Variants in SDK2 observed in about 807,000 individuals in gnomAD.
The protein encoded by SDK2 is protein sidekick-2.
SDK2 carries 105 observed loss-of-function variants against 253.9 expected under a neutral mutation model. The observed-to-expected ratio is 0.41, with a 90% CI of 0.35 to 0.49. The LOEUF (loss-of-function observed/expected upper bound fraction) is 0.49. Among genes scored for constraint, SDK2 ranks in the 20% least tolerant of loss-of-function variants. The pLI, the probability that SDK2 is intolerant of heterozygous loss-of-function variation, is 0.06. For synonymous variants in SDK2, 1,249 were observed against 1,234.9 expected (o/e 1.01, Z -0.24); for missense variants, 2,608 against 3,003.0 (o/e 0.87, Z 3.07).
rs751417057 is a variant in SDK2 at position 73,426,208 on chromosome 17, CTTTTTTT to C, written c.1584-2123_1584-2117del. On this transcript the variant is annotated intron_variant, in intron 12 of 44. Coordinates refer to ENST00000392650, the MANE Select transcript of SDK2 (RefSeq NM_001144952.2). ...TACAGGCCTGCACCACCATGCTGGG[CTTTTTTT>C]TTTTTTTTTTTTTTTTTTTTTCTGT... Among the ~76,000 whole-genome samples the C allele has an allele frequency of 5.4e-3, 157 of 29,166 alleles. 1 individual carries two copies. The highest frequency in any genetic ancestry group is 0.013 in the African/African-American group (123 of 9,478). The allele number at this position is 29,166 out of a possible 152,430, so 19.1% of individuals were successfully genotyped here.
chr17:73,378,642 A>T (rs1199188566), intron 36 of SDK2, among the ~76,000 whole-genome samples: 2 of 151,502 alleles, frequency 1.3e-5, no homozygotes, highest in African/African-American at 2.4e-5. Context: ...CTGGTCTCGA[A>T]CTCCTGACCT....
intron 36 of SDK2, among the ~76,000 whole-genome samples, chr17:73,372,152 C>G (rs1389096023): frequency 6.6e-6 from 1 of 152,168 alleles, no homozygotes; most frequent in African/African-American, 2.4e-5. Context: ...ACAAACCAGG[C>G]ACTCCGGCAG....
intron 1 of SDK2, among the ~76,000 whole-genome samples, chr17:73,637,351 CT>C: frequency 6.6e-6 from 1 of 152,238 alleles, no homozygotes; most frequent in Non-Finnish European, 1.5e-5. Flanking sequence ...AATGAATGGG[CT>C]ACAATCAGAA....
At chr17:73,394,148 T>C (rs893899786) in intron 26 of SDK2, 61 bp downstream of exon 26, 5 of 1,045,692 alleles carry the variant, frequency 4.8e-6, no homozygotes, top group African/African-American at 4.8e-5. Context: ...CAAGGCCCCT[T>C]GGATGGAGAG....
At position 73,401,979 on chromosome 17, in the gene SDK2, T is replaced by C; in HGVS notation, c.2647A>G (p.Ser883Gly). ...CFTTPGDGPR[S>G]TPQLVRTHED... ...TGGGTGCGCACCAGCTGCGGGGTGCTGCGTGGCCCGTCCCCGGGGGTGGTG... is the reference window on the plus strand; with the variant it reads ...TGGGTGCGCACCAGCTGCGGGGTGCCGCGTGGCCCGTCCCCGGGGGTGGTG... The change falls in exon 19 of 45, where the codon AGC (serine) becomes GGC (glycine). Residue 883 changes from serine to glycine, a missense_variant. This residue lies in a region of SDK2 where 1,505 missense variants were observed against 1,859.1 expected (regional missense o/e 0.81). Coordinates refer to ENST00000392650, the MANE Select transcript of SDK2 (RefSeq NM_001144952.2). 6.2e-7 allele frequency: 1 copy of C among 1,612,936 alleles called. No homozygotes were observed. Among genetic ancestry groups the C allele is most frequent in the Non-Finnish European group, 8.5e-7 (1 of 1,179,568 alleles).
rs1297213101 is a variant in SDK2, at chr17:73,629,589, A to G, written c.64+14436T>C. Among the ~76,000 whole-genome samples the G allele has an allele frequency of 2.0e-5, 3 of 152,098 alleles. No individual in the cohort carries two copies. Among genetic ancestry groups the G allele is most frequent in the Non-Finnish European group, 2.9e-5 (2 of 67,996 alleles). ...CCTAGGGAAGACGGGGGCCCCTCCC[A>G]TCCTACAAGACTCAGCTTCTATGTT... is the stretch of plus-strand genomic sequence containing the variant. On this transcript the variant is annotated intron_variant, in intron 1 of 44. Transcript: ENST00000392650. The surrounding 1 kb of genome is among the most constrained non-coding windows in gnomAD (Gnocchi z 5.0).
At position 73,358,172 on chromosome 17, in the gene SDK2, C is replaced by T. The variant is rs751302864; in HGVS notation, c.5500G>A (p.Val1834Met). Reference protein sequence around the residue: ...APGPPGVPIIVRYSSAIAIHW... With the variant: ...APGPPGVPIIMRYSSAIAIHW... ...ATGGCGATGGCAGAGCTGTACCGCA[C>T]GATGATGGGCACGCCAGGCGGTCCT... The change falls in exon 40 of 45, where the codon GTG becomes ATG. Residue 1834 changes from valine (V) to methionine (M), a missense_variant. Physicochemically the swap from Val to Met is conservative, Grantham distance 21. Around this residue, in one of 2 missense-constraint regions of SDK2, gnomAD observed 1,103 missense variants for 1,143.9 expected, o/e 0.96. Transcript: ENST00000392650. 90 of 1,609,168 alleles carry T rather than the reference C, an allele frequency of 5.6e-5. No individual in the cohort carries two copies. The South Asian group carries it at 6.8e-4, about 12-fold the overall frequency.
chr17:73,593,702 A>C (rs2045716025), intron 1 of SDK2, among the ~76,000 whole-genome samples: 1 of 152,232 alleles, frequency 6.6e-6, no homozygotes, highest in South Asian at 2.1e-4. Context: ...GGATCACGGA[A>C]GGTGTTAACT....
chr17:73,418,044 C>G (rs1372904391), intron 16 of SDK2, among the ~76,000 whole-genome samples: 1 of 116,022 alleles, frequency 8.6e-6, no homozygotes, highest in African/African-American at 3.2e-5. Flanking sequence ...TAGATGGAGT[C>G]TCGCCCAGGC....
chr17:73,617,348 C>T (rs531481654), intron 1 of SDK2, among the ~76,000 whole-genome samples: 15 of 151,606 alleles, frequency 9.9e-5, no homozygotes, highest in Non-Finnish European at 2.1e-4. Flanking sequence ...GAGAGGGCTT[C>T]AGGGGGTTCT....
At chr17:73,524,553 C>G (rs568398412) in intron 1 of SDK2, among the ~76,000 whole-genome samples, 1 of 152,194 alleles carries the variant, frequency 6.6e-6, no homozygotes, top group Non-Finnish European at 1.5e-5. Flanking sequence ...GTGAGAGTCA[C>G]ACACCTACTG....
Position 73,541,317 on chromosome 17 carries a change from G to A in SDK2, c.65-33720C>T, listed in dbSNP as rs1043668516. Among the ~76,000 whole-genome samples, 1 of 152,202 alleles carries A rather than the reference G, an allele frequency of 6.6e-6. No individual in the cohort carries two copies. Among genetic ancestry groups the A allele is most frequent in the African/African-American group, 2.4e-5 (1 of 41,454 alleles). On this transcript the variant is annotated intron_variant, in intron 1 of 44. Transcript: ENST00000392650. This position sits in a 1 kb window ranked among gnomAD's most constrained non-coding sequence, Gnocchi z 4.3. The stretch of plus-strand genomic sequence containing the variant: ...TTCTAAAAGGTGGACCAGGGCCAGA[G>A]CCAGGCTCTCCCTGCTGGTGGAGCG...
rs1204797566 is a variant in SDK2 at position 73,609,667 on chromosome 17, GGGA to G, written c.64+34355_64+34357del. On this transcript the variant is annotated intron_variant, in intron 1 of 44. Transcript: ENST00000392650. This position sits in a 1 kb window ranked among gnomAD's most constrained non-coding sequence, Gnocchi z 4.4. ...CTCTGCTAATGGGAATGACTTTCAA[GGGA>G]GGTAATGGGTACCCTCTTACCTACG... Among the ~76,000 whole-genome samples, 1 of 152,154 alleles carries G rather than the reference GGGA, an allele frequency of 6.6e-6. No homozygotes were observed. Among genetic ancestry groups the G allele is most frequent in the African/African-American group, 2.4e-5 (1 of 41,422 alleles).
At chr17:73,483,627 A>G (rs537530090) in intron 2 of SDK2, among the ~76,000 whole-genome samples, 1,277 of 101,554 alleles carry the variant, frequency 0.013, 19 homozygotes, top group Non-Finnish European at 0.02. Flanking sequence ...ATATATATGT[A>G]TATGTATATA....
At position 73,361,832 on chromosome 17, in the gene SDK2, G is replaced by C. The variant is rs575452411; in HGVS notation, c.5319C>G (p.Ile1773Met). ...PCSPVDGVSK[I>M]VTVDVKGNSP... ...TGTTCCCCTTCACGTCCACGGTCACGATCTTGCTGACTCCTGGGGGAGGCA... is the reference window on the plus strand; with the variant it reads ...TGTTCCCCTTCACGTCCACGGTCACCATCTTGCTGACTCCTGGGGGAGGCA... The change falls in exon 39 of 45, where the codon ATC (isoleucine) becomes ATG (methionine). Residue 1773 changes from isoleucine to methionine, a missense_variant. By Grantham distance (10) the Ile-to-Met change is conservative. Coordinates refer to ENST00000392650, the MANE Select transcript of SDK2 (RefSeq NM_001144952.2). This position sits in a 1 kb window ranked among gnomAD's most constrained non-coding sequence, Gnocchi z 4.1. The C allele has an allele frequency of 6.9e-6, 11 of 1,594,370 alleles. No individual in the cohort carries two copies. In the East Asian group the frequency reaches 2.0e-4, roughly 30 times the overall value.
intron 15 of SDK2, among the ~76,000 whole-genome samples, chr17:73,421,042 C>T (rs561887359): frequency 6.7e-4 from 102 of 152,302 alleles, no homozygotes; most frequent in African/African-American, 2.3e-3. Flanking sequence ...GCGGTGCAGC[C>T]GCAGGGCAGG....
chr17:73,393,682 C>A lies in SDK2; in HGVS notation c.3776G>T (p.Arg1259Leu), dbSNP rs181533722. 4 of 1,596,796 alleles carry A rather than the reference C, an allele frequency of 2.5e-6. No homozygotes were observed. Among genetic ancestry groups the A allele is most frequent in the East Asian group, 2.3e-5 (1 of 44,348 alleles). The change falls in exon 27 of 45, where the codon CGC becomes CTC. Residue 1259 changes from arginine to leucine, a missense_variant. Transcript: ENST00000392650. ...GCCCAAGCCGGTGAGCTGGGCACTG[C>A]GAGACGAGTTGCCTTCCACCAGCCA... ...RFWLVEGNSS[R>L]SAQLTGLGKY...
At chr17:73,347,560 C>T (rs1281127192) in intron 44 of SDK2, among the ~76,000 whole-genome samples, 6 of 152,186 alleles carry the variant, frequency 3.9e-5, no homozygotes, top group East Asian at 3.9e-4. Context: ...GGGCCCACAG[C>T]GTGATCCCAG....
At chr17:73,448,855 T>C (rs1164044454) in intron 4 of SDK2, among the ~76,000 whole-genome samples, 1 of 151,722 alleles carries the variant, frequency 6.6e-6, no homozygotes, top group Non-Finnish European at 1.5e-5. Flanking sequence ...AAGACAGGGT[T>C]TTGCTATGTT....
Sources: allele counts gnomAD v4.1 joint callset (sites outside exome capture counted in the v4.1 genomes callset), GRCh38; gene constraint gnomAD v4.1.1; regional missense constraint gnomAD v4.1.1; non-coding constraint Gnocchi (gnomAD v3.1); transcripts MANE v1.5; gene names NCBI Gene and HGNC (gene_info 2026-07-23, HGNC 2026-07-21).